ELAVL4: variants seen among roughly 807,000 people sequenced by gnomAD.
The protein encoded by ELAVL4 is ELAV like RNA binding protein 4.
ELAVL4 carries 1 observed loss-of-function variant against 35.6 expected under a neutral mutation model. The observed-to-expected ratio is 0.03, with a 90% CI of 0.01 to 0.13. The LOEUF (loss-of-function observed/expected upper bound fraction) is 0.13, where lower values mean the gene tolerates loss of function less well. Among genes scored for constraint, ELAVL4 ranks in the 10% least tolerant of loss-of-function variants. ELAVL4 has a pLI of 1.00. For missense variants in ELAVL4, 267 were observed against 464.9 expected (o/e 0.57, Z 3.91); for synonymous variants, 156 against 171.0 (o/e 0.91, Z 0.69).
At chr1:50,179,937 C>A (rs187982540) in intron 3 of ELAVL4, 1 of 152,288 alleles carries the variant, frequency 6.6e-6, no homozygotes, top group East Asian at 1.9e-4. Context: ...CTGCTGCTAA[C>A]TGTTTAAACC....
intron 1 of ELAVL4, among the ~76,000 whole-genome samples, chr1:50,088,154 T>C (rs1179280980): frequency 1.3e-5 from 2 of 152,300 alleles, no homozygotes; most frequent in African/African-American, 2.4e-5. Flanking sequence ...ACTGGAAACA[T>C]CCTGGCTCAC....
intron 1 of ELAVL4, among the ~76,000 whole-genome samples, chr1:50,088,654 A>G (rs1665353927): frequency 1.3e-5 from 2 of 152,270 alleles, no homozygotes; most frequent in Middle Eastern, 3.4e-3. Flanking sequence ...AAAGAAAGCC[A>G]ACTGCTGGCC....
rs1475354663 is a variant in ELAVL4 at position 50,123,743 on chromosome 1, T to C, written c.9+14545T>C. 2.0e-5 allele frequency among the ~76,000 whole-genome samples: 3 copies of C among 152,054 alleles called. No homozygotes were observed. The East Asian group carries it at 5.8e-4, about 30-fold the overall frequency. ...TCCACTGTAGAACTGCACCACGGTG[T>C]TCCCTACTGTTGCTCACACAGATCC... On this transcript the variant is annotated intron_variant, in intron 1 of 6. Coordinates refer to ENST00000371824, the MANE Select transcript of ELAVL4 (RefSeq NM_001144774.3).
chr1:50,166,676 C>T (rs1677982025), intron 2 of ELAVL4, among the ~76,000 whole-genome samples: 1 of 152,148 alleles, frequency 6.6e-6, no homozygotes. Context: ...TGTAGCTTCC[C>T]ATTGACCTTA....
exon 1 of ELAVL4, chr1:50,048,062 G>GC: frequency 7.4e-7 from 1 of 1,351,268 alleles, no homozygotes; most frequent in East Asian, 3.0e-5. Context: ...CGCAGAGCGA[G>GC]CTAGAGAGCG....
chr1:50,197,599 T>C, intron 6 of ELAVL4, 132 bp downstream of exon 6: 1 of 790,590 alleles, frequency 1.3e-6, no homozygotes, highest in Non-Finnish European at 1.9e-6. Flanking sequence ...GCATGTCAAA[T>C]TCTTAATTTT....
At chr1:50,179,132 C>T (rs1211445029) in intron 3 of ELAVL4, among the ~76,000 whole-genome samples, 1 of 152,098 alleles carries the variant, frequency 6.6e-6, no homozygotes, top group Non-Finnish European at 1.5e-5. Context: ...TGTAAAGAGT[C>T]AGTCTGCCTC....
chr1:50,084,135 C>T (rs796226186), intron 1 of ELAVL4, among the ~76,000 whole-genome samples: 5 of 152,272 alleles, frequency 3.3e-5, no homozygotes, highest in African/African-American at 1.2e-4. Context: ...GAAAGAAGCA[C>T]ATGTTCAGTG....
chr1:50,064,675 G>A (rs1010814954), intron 1 of ELAVL4, among the ~76,000 whole-genome samples: 6 of 152,192 alleles, frequency 3.9e-5, no homozygotes, highest in African/African-American at 1.4e-4. Flanking sequence ...GGCAGTGACA[G>A]GCTGTGTTCC....
chr1:50,123,565 A>G (rs748886747), intron 1 of ELAVL4, among the ~76,000 whole-genome samples: 4 of 152,084 alleles, frequency 2.6e-5, no homozygotes, highest in Non-Finnish European at 5.9e-5. Context: ...CTATAAGCAC[A>G]CAATTAAGAT....
At chr1:50,155,019 CT>C (rs1041324190) in intron 2 of ELAVL4, among the ~76,000 whole-genome samples, 3 of 150,466 alleles carry the variant, frequency 2.0e-5, no homozygotes, top group Admixed American at 6.6e-5. Flanking sequence ...TTTGAGTTTT[CT>C]TTTTTTTTAA....
At chr1:50,129,904 G>C (rs1163758259) in intron 1 of ELAVL4, among the ~76,000 whole-genome samples, 1 of 152,128 alleles carries the variant, frequency 6.6e-6, no homozygotes, top group Non-Finnish European at 1.5e-5. Context: ...CTCTGAACCA[G>C]GTGCCTTCAG....
intron 1 of ELAVL4, among the ~76,000 whole-genome samples, chr1:50,113,383 A>G (rs1667408451): frequency 6.6e-6 from 1 of 152,142 alleles, no homozygotes; most frequent in Admixed American, 6.6e-5. Flanking sequence ...TTAAAAAAAG[A>G]AACAAATTGT....
At chr1:50,181,682 T>TTGTTC (rs1340163398) in intron 3 of ELAVL4, among the ~76,000 whole-genome samples, 1 of 151,366 alleles carries the variant, frequency 6.6e-6, no homozygotes, top group Non-Finnish European at 1.5e-5. Context: ...TGTGTTTGTT[T>TTGTTC]TGTTTTGTTT....
At chr1:50,100,041 G>GTA (rs1269333323), upstream of ELAVL4, among the ~76,000 whole-genome samples, 26 of 152,284 alleles carry the variant, frequency 1.7e-4, no homozygotes, top group African/African-American at 6.3e-4. Context: ...GTGTAAGTTG[G>GTA]TATGTTATAG....
At chr1:50,159,284 G>A (rs1479646369) in intron 2 of ELAVL4, among the ~76,000 whole-genome samples, 1 of 152,168 alleles carries the variant, frequency 6.6e-6, no homozygotes, top group Non-Finnish European at 1.5e-5. Flanking sequence ...GACCAAATGA[G>A]TTTGAAAAAC....
At chr1:50,164,123 A>G (rs902822048) in intron 2 of ELAVL4, among the ~76,000 whole-genome samples, 2 of 152,228 alleles carry the variant, frequency 1.3e-5, no homozygotes, top group Admixed American at 1.3e-4. Flanking sequence ...TGCTTGGCCC[A>G]TAATGCGTGC....
intron 2 of ELAVL4, 56 bp from the exon 3 acceptor site, chr1:50,177,033 T>C (rs1680159626): frequency 1.4e-6 from 2 of 1,456,802 alleles, no homozygotes; most frequent in African/African-American, 1.4e-5. Flanking sequence ...TCTCTCTCTC[T>C]TTCTCTCTGT....
chr1:50,200,099 T>C (rs1418837521), intron 6 of ELAVL4, among the ~76,000 whole-genome samples: 1 of 152,214 alleles, frequency 6.6e-6, no homozygotes, highest in Non-Finnish European at 1.5e-5. Context: ...GAGTAATACA[T>C]CTTTATTATT....
Sources: allele counts gnomAD v4.1 joint callset (sites outside exome capture counted in the v4.1 genomes callset), GRCh38; gene constraint gnomAD v4.1.1; transcripts MANE v1.5; gene names NCBI Gene and HGNC (gene_info 2026-07-23, HGNC 2026-07-21).